PHF24: variants seen among roughly 807,000 people sequenced by gnomAD.
PHF24 encodes Galpha inhibitory interacting protein.
A neutral mutation model predicts 42.6 loss-of-function variants in PHF24; 25 were observed. The ratio of observed to expected loss-of-function variants is 0.59; its 90% confidence interval spans 0.43 to 0.82. The LOEUF is 0.82. PHF24 is among the 40% of genes least tolerant of loss of function. The pLI is 0.00. For synonymous variants in PHF24, 185 were observed against 204.8 expected (o/e 0.90, Z 0.83); for missense variants, 470 against 538.1 (o/e 0.87, Z 1.25).
At chr9:34,821,777 A>C in the PHF24 span, among the ~76,000 whole-genome samples, 1 of 152,166 alleles carries the variant, frequency 6.6e-6, no homozygotes, top group South Asian at 2.1e-4. Flanking sequence ...TCCTAGTCTT[A>C]TCTCTCATTT....
chr9:34,803,889 A>G, the PHF24 span, among the ~76,000 whole-genome samples: 3 of 152,192 alleles, frequency 2.0e-5, no homozygotes, highest in African/African-American at 7.2e-5. Flanking sequence ...TAAGCTTAAA[A>G]AATACATTTT....
the PHF24 span, chr9:34,838,424 C>A: frequency 1.5e-6 from 2 of 1,295,722 alleles, no homozygotes; most frequent in Non-Finnish European, 2.2e-6. Flanking sequence ...ATTACAATAA[C>A]GATGAAGATG....
the PHF24 span, among the ~76,000 whole-genome samples, chr9:34,713,514 G>A: frequency 6.6e-6 from 1 of 151,994 alleles, no homozygotes; most frequent in Non-Finnish European, 1.5e-5. Flanking sequence ...CCCCCTGCTT[G>A]TTATAAGTGT....
chr9:34,680,687 C>CAA, the PHF24 span, among the ~76,000 whole-genome samples: 32,250 of 124,060 alleles, frequency 0.26, 4,940 homozygotes, highest in Middle Eastern at 0.41. Flanking sequence ...GACTCCGTCT[C>CAA]AAAAAAAAAA....
At chr9:34,976,485 C>T (rs767596697) in intron 4 of PHF24, 50 bp from the exon 5 acceptor site, 1 of 1,574,592 alleles carries the variant, frequency 6.4e-7, no homozygotes, top group Non-Finnish European at 8.7e-7. Flanking sequence ...ATGGAGGTGC[C>T]CTGAGGCTGA....
chr9:34,726,958 C>G, the PHF24 span: 1 of 1,550,976 alleles, frequency 6.4e-7, no homozygotes, highest in Non-Finnish European at 8.7e-7. Context: ...GGATTCGCCG[C>G]ACACTTCTCT....
At chr9:34,894,532 T>G in the PHF24 span, 1 of 398,454 alleles carries the variant, frequency 2.5e-6, no homozygotes, top group Non-Finnish European at 4.4e-6. Flanking sequence ...GAGTGTTATG[T>G]GGAACTGGAG....
the PHF24 span, among the ~76,000 whole-genome samples, chr9:34,702,077 C>A: frequency 1.3e-5 from 2 of 152,078 alleles, no homozygotes; most frequent in South Asian, 4.2e-4. Context: ...GAGGCTGGGG[C>A]TGGAGGATGA....
the PHF24 span, among the ~76,000 whole-genome samples, chr9:34,918,650 A>G: frequency 6.6e-6 from 1 of 152,218 alleles, no homozygotes; most frequent in Non-Finnish European, 1.5e-5. Context: ...AAAACACTTT[A>G]AATCTCAATA....
chr9:34,967,423 C>T (rs1826815573), intron 1 of PHF24, among the ~76,000 whole-genome samples: 1 of 152,184 alleles, frequency 6.6e-6, no homozygotes, highest in Non-Finnish European at 1.5e-5. Flanking sequence ...GATCTATAAA[C>T]ACATGTGTCT....
chr9:34,945,904 A>G, the PHF24 span, among the ~76,000 whole-genome samples: 9 of 152,358 alleles, frequency 5.9e-5, no homozygotes, highest in East Asian at 1.9e-4. Context: ...AGCAAGGCCA[A>G]TGGGAATTCC....
the PHF24 span, chr9:34,725,470 C>T: frequency 7.9e-7 from 1 of 1,258,736 alleles, no homozygotes; most frequent in East Asian, 2.7e-5. Flanking sequence ...ATTCCAGCAG[C>T]TTCCGGGCAT....
chr9:34,883,047 A>C, the PHF24 span, among the ~76,000 whole-genome samples: 1 of 152,242 alleles, frequency 6.6e-6, no homozygotes, highest in Non-Finnish European at 1.5e-5. Context: ...CAGAGCCCTC[A>C]GAAATAATGC....
the PHF24 span, among the ~76,000 whole-genome samples, chr9:34,673,353 CAAA>C: frequency 6.8e-4 from 100 of 147,264 alleles, no homozygotes; most frequent in Non-Finnish European, 6.3e-4. Flanking sequence ...GACTCTATTT[CAAA>C]AAAAAAAAAA....
At chr9:34,944,203 ACAAT>A in the PHF24 span, among the ~76,000 whole-genome samples, 1 of 152,198 alleles carries the variant, frequency 6.6e-6, no homozygotes, top group Non-Finnish European at 1.5e-5. Flanking sequence ...AAAATTGTTC[ACAAT>A]CAAAGCATGA....
the PHF24 span, chr9:34,922,389 T>C: frequency 7.0e-7 from 1 of 1,432,170 alleles, no homozygotes; most frequent in Non-Finnish European, 9.8e-7. Context: ...AACGTCATAA[T>C]AGAACACGGA....
chr9:34,943,120 C>T, the PHF24 span, among the ~76,000 whole-genome samples: 2 of 152,202 alleles, frequency 1.3e-5, no homozygotes, highest in Non-Finnish European at 2.9e-5. Context: ...GTGATTGAGG[C>T]TACTGCTTGT....
chr9:34,820,224 C>CT, the PHF24 span, among the ~76,000 whole-genome samples: 6 of 150,832 alleles, frequency 4.0e-5, no homozygotes, highest in Non-Finnish European at 7.4e-5. Flanking sequence ...AAATGGGTTT[C>CT]TTTTTTTAAA....
chr9:34,847,031 C>A, the PHF24 span, among the ~76,000 whole-genome samples: 1 of 152,122 alleles, frequency 6.6e-6, no homozygotes, highest in Non-Finnish European at 1.5e-5. Flanking sequence ...AGTCAGGTAG[C>A]GTGATGCCTC....
Sources: allele counts gnomAD v4.1 joint callset (sites outside exome capture counted in the v4.1 genomes callset), GRCh38; gene constraint gnomAD v4.1.1; transcripts MANE v1.5; gene names NCBI Gene and HGNC (gene_info 2026-07-23, HGNC 2026-07-21).